FRMD6: variants seen among roughly 807,000 people sequenced by gnomAD.
The protein encoded by FRMD6 is FERM domain containing 6.
Under a neutral mutation model 73.2 loss-of-function variants are expected in FRMD6, and 37 were observed. The observed-to-expected ratio is 0.51, with a 90% confidence interval of 0.39 to 0.66. FRMD6 has a LOEUF of 0.66. FRMD6 is among the 30% of genes least tolerant of loss of function. The pLI is 0.00. For missense variants in FRMD6, 714 were observed against 780.5 expected, an observed-to-expected ratio of 0.91 and a Z score of 1.02; for synonymous variants, 273 against 282.2, an observed-to-expected ratio of 0.97 and a Z score of 0.33.
intron 1 of FRMD6, among the ~76,000 whole-genome samples, chr14:51,661,652 C>A (rs1307030576): frequency 6.6e-6 from 1 of 152,146 alleles, no homozygotes; most frequent in Non-Finnish European, 1.5e-5. Flanking sequence ...GATCAGTTAG[C>A]TCACATGTTG....
intron 1 of FRMD6, among the ~76,000 whole-genome samples, chr14:51,532,273 C>G (rs1332357141): frequency 6.6e-6 from 1 of 150,636 alleles, no homozygotes; most frequent in Non-Finnish European, 1.5e-5. Context: ...GGAGGATGAG[C>G]CAGGAGAATG....
the FRMD6 span, among the ~76,000 whole-genome samples, chr14:51,416,930 T>G: frequency 6.6e-6 from 1 of 152,212 alleles, no homozygotes. Context: ...TCTCTTTTGA[T>G]CTTTGTTGGT....
rs1252137270 is a variant in FRMD6 at position 51,728,223 on chromosome 14, A to G, written c.*194A>G. 4 of 574,326 alleles carry G rather than the reference A, an allele frequency of 7.0e-6. No individual in the cohort carries two copies. The highest frequency in any genetic ancestry group is 2.9e-5 in the East Asian group (1 of 35,048). 35.6% of individuals were successfully genotyped at this position (574,326 alleles called of 1,614,324 possible). The stretch of plus-strand genomic sequence containing the variant: ...AGTATTACACAGAAGTAAAAGAACT[A>G]CAGAAAATGTACAGCAAGACAAGTG... On this transcript the variant is annotated 3_prime_UTR_variant, in exon 14 of 14. Transcript: ENST00000344768.
At chr14:51,644,795 A>C (rs1384266525) in intron 2 of FRMD6, among the ~76,000 whole-genome samples, 1 of 152,238 alleles carries the variant, frequency 6.6e-6, no homozygotes, top group Non-Finnish European at 1.5e-5. Context: ...TCAAGAAATC[A>C]CATGGAATGT....
intron 1 of FRMD6, among the ~76,000 whole-genome samples, chr14:51,495,174 T>C (rs1212680332): frequency 6.6e-6 from 1 of 152,218 alleles, no homozygotes; most frequent in East Asian, 1.9e-4. Context: ...AACTAAGGTA[T>C]TTGCCACTTT....
rs372771024 is a variant in FRMD6, at chr14:51,712,531, G to A, written c.829G>A (p.Val277Ile). 6.2e-7 allele frequency: 1 copy of A among 1,602,284 alleles called. No homozygotes were observed. The highest frequency in any genetic ancestry group is 8.5e-7 in the Non-Finnish European group (1 of 1,169,962). The change falls in exon 9 of 14, where the codon GTT (valine) becomes ATT (isoleucine). Residue 277 changes from valine to isoleucine, a missense_variant. Transcript: ENST00000344768. ...QLLYDFPWTN[V>I]GKLVFVGKKF... The stretch of plus-strand genomic sequence containing the variant: ...ACTTTATGATTTCCCCTGGACAAAT[G>A]TTGGAAAATTGGTGTTTGTGGTAAG...
chr14:51,502,431 C>T (rs939402731), intron 1 of FRMD6, among the ~76,000 whole-genome samples: 2 of 152,160 alleles, frequency 1.3e-5, no homozygotes, highest in African/African-American at 2.4e-5. Flanking sequence ...AGCCAGCTCT[C>T]CCAGCACCAT....
At chr14:51,683,451 T>A (rs1894945233) in intron 1 of FRMD6, among the ~76,000 whole-genome samples, 2 of 151,874 alleles carry the variant, frequency 1.3e-5, no homozygotes, top group East Asian at 3.9e-4. Flanking sequence ...AGCTATTTTT[T>A]TTTTTTTAAA....
rs139632029 is a variant in FRMD6 at position 51,670,860 on chromosome 14, T to A, written c.-146-18831T>A. Among the ~76,000 whole-genome samples, 395 of 152,326 alleles carry A rather than the reference T, an allele frequency of 2.6e-3. 1 individual carries two copies. Among genetic ancestry groups the A allele is most frequent in the African/African-American group, 8.9e-3 (368 of 41,578 alleles). ...TGGGGTTTCGTCATGTTGGCCAGGC[T>A]GGTCTCGAATTCCTGACCTCAGGTG... On this transcript the variant is annotated intron_variant, in intron 1 of 13. Coordinates refer to ENST00000344768, the MANE Select transcript of FRMD6 (RefSeq NM_001267046.2).
At chr14:51,702,092 A>G (rs7156284) in intron 4 of FRMD6, among the ~76,000 whole-genome samples, 83,927 of 151,798 alleles carry the variant, frequency 0.55, 23,486 homozygotes, top group East Asian at 0.65. Flanking sequence ...GAATGTCTAA[A>G]TAAACAAACA....
chr14:51,425,195 G>T, the FRMD6 span, among the ~76,000 whole-genome samples: 2 of 152,148 alleles, frequency 1.3e-5, no homozygotes, highest in African/African-American at 2.4e-5. Context: ...TGGGCTGGAT[G>T]CTGCCACCCA....
chr14:51,548,593 T>C (rs1192278705), intron 1 of FRMD6, among the ~76,000 whole-genome samples: 1 of 152,220 alleles, frequency 6.6e-6, no homozygotes, highest in Non-Finnish European at 1.5e-5. Flanking sequence ...GAAGAAAGTC[T>C]GTGAAATAGA....
intron 2 of FRMD6, among the ~76,000 whole-genome samples, chr14:51,603,890 G>A (rs1018991341): frequency 5.9e-5 from 9 of 151,618 alleles, no homozygotes; most frequent in African/African-American, 2.2e-4. Context: ...CATATTTTAT[G>A]TAGAATATTT....
At chr14:51,500,361 T>A (rs1012649628) in intron 1 of FRMD6, among the ~76,000 whole-genome samples, 5 of 152,138 alleles carry the variant, frequency 3.3e-5, no homozygotes, top group African/African-American at 1.2e-4. Flanking sequence ...ACCCTGTCTC[T>A]ACTAAAAATA....
chr14:51,397,438 C>A, the FRMD6 span, among the ~76,000 whole-genome samples: 2 of 152,142 alleles, frequency 1.3e-5, no homozygotes, highest in African/African-American at 4.8e-5. Context: ...ATACCTAGAG[C>A]TTGAGACAAG....
At chr14:51,480,559 A>G in the FRMD6 span, among the ~76,000 whole-genome samples, 1 of 152,044 alleles carries the variant, frequency 6.6e-6, no homozygotes, top group Non-Finnish European at 1.5e-5. Context: ...TGTATCCTCT[A>G]TGCATCTCTG....
At chr14:51,463,891 C>G in the FRMD6 span, among the ~76,000 whole-genome samples, 1 of 152,198 alleles carries the variant, frequency 6.6e-6, no homozygotes, top group East Asian at 1.9e-4. Flanking sequence ...GATCACCACT[C>G]CCTGCAGCCT....
intron 1 of FRMD6, among the ~76,000 whole-genome samples, chr14:51,539,124 C>T (rs925865341): frequency 6.6e-6 from 1 of 152,050 alleles, no homozygotes; most frequent in South Asian, 2.1e-4. Context: ...TTCTGAATTC[C>T]ACCGTTTTTG....
intron 1 of FRMD6, among the ~76,000 whole-genome samples, chr14:51,568,514 G>T (rs1243596406): frequency 6.6e-6 from 1 of 152,222 alleles, no homozygotes; most frequent in East Asian, 1.9e-4. Context: ...AACACTGCAA[G>T]AAACTTTTTG....
Sources: allele counts gnomAD v4.1 joint callset (sites outside exome capture counted in the v4.1 genomes callset), GRCh38; gene constraint gnomAD v4.1.1; transcripts MANE v1.5; gene names NCBI Gene and HGNC (gene_info 2026-07-23, HGNC 2026-07-21).